The following DNAH10 variants were observed in gnomAD, a reference collection of about 807,000 sequenced individuals.
The protein encoded by DNAH10 is axonemal beta dynein heavy chain 10.
A neutral mutation model predicts 506.6 loss-of-function variants in DNAH10; 348 were observed. The ratio of observed to expected loss-of-function variants is 0.69; its 90% CI spans 0.63 to 0.75. The LOEUF (loss-of-function observed/expected upper bound fraction) is 0.75, where lower values mean the gene tolerates loss of function less well. Ranked by LOEUF, DNAH10 falls within the 30% of genes least tolerant of loss-of-function variation. DNAH10 has a pLI of 0.00. For missense variants in DNAH10, 5,179 were observed against 5,787.1 expected (o/e 0.89, Z 3.41); for synonymous variants, 2,059 against 2,198.6 (o/e 0.94, Z 1.78).
chr12:123,887,167 G>T lies in DNAH10; in HGVS notation c.8849G>T (p.Gly2950Val). The T allele has an allele frequency of 6.2e-7, 1 of 1,611,300 alleles. No homozygotes were observed. The highest frequency in any genetic ancestry group is 8.5e-7 in the Non-Finnish European group (1 of 1,178,724). ...CEVFEILLSR[G>V]YSENSFREDL... ...GTGTTTGAGATCCTGCTGAGCCGAG[G>T]CTACTCGGAGAACAGTTTCCGGGAA... The change falls in exon 52 of 79, where the codon GGC becomes GTC. Residue 2950 changes from glycine (G) to valine (V), a missense_variant. Transcript: ENST00000673944.
In DNAH10 at chr12:123,762,568, G is replaced by A. The variant is rs377606125; in HGVS notation, c.214+18G>A. 17 of 1,539,324 alleles carry A rather than the reference G, an allele frequency of 1.1e-5. No individual in the cohort carries two copies. The highest frequency in any genetic ancestry group is 1.4e-5 in the Non-Finnish European group (16 of 1,143,416). On this transcript the variant is annotated intron_variant, in intron 1 of 78. Coordinates refer to ENST00000673944, the MANE Select transcript of DNAH10 (RefSeq NM_001372106.1). This position sits in a 1 kb window ranked among gnomAD's most constrained non-coding sequence, Gnocchi z 5.0. ...GGAGATTGGTGAGCCTCGACGCGCC[G>A]CTCCCTTCCCCGGGCTTCCCTCCTG...
chr12:123,850,994 T>C lies in DNAH10; in HGVS notation c.6209T>C (p.Phe2070Ser). ...TELPESVKAL[F>S]RPVVVIVPDL... Reference sequence around the variant, plus strand: ...CTGCCCGAGTCGGTGAAGGCGCTGTTCAGGCCTGTGGTCGTGATCGTGCCC... The same window carrying C: ...CTGCCCGAGTCGGTGAAGGCGCTGTCCAGGCCTGTGGTCGTGATCGTGCCC... The change falls in exon 35 of 79, where the codon TTC (phenylalanine) becomes TCC (serine). Residue 2070 changes from phenylalanine (F) to serine (S), a missense_variant. Transcript: ENST00000673944. The surrounding 1 kb of genome is among the most constrained non-coding windows in gnomAD (Gnocchi z 5.5). 6.2e-7 allele frequency: 1 copy of C among 1,614,030 alleles called. No homozygotes were observed. Among genetic ancestry groups the C allele is most frequent in the Non-Finnish European group, 8.5e-7 (1 of 1,179,916 alleles).
rs562834548 is a variant in DNAH10 at position 123,785,049 on chromosome 12, C to G, written c.1231-697C>G. Among the ~76,000 whole-genome samples the G allele has an allele frequency of 3.3e-5, 5 of 152,302 alleles. No homozygotes were observed. Among genetic ancestry groups the G allele is most frequent in the African/African-American group, 9.6e-5 (4 of 41,556 alleles). ...TATGAAGAATGCTGCTACGAACATT[C>G]TTGTACAAGGATTTGTGTGGATGTG... On this transcript the variant is annotated intron_variant, in intron 8 of 78. Transcript: ENST00000673944. The surrounding 1 kb of genome is among the most constrained non-coding windows in gnomAD (Gnocchi z 4.1).
At chr12:123,799,144 T>C in intron 13 of DNAH10, 102 bp from the exon 14 acceptor site, 1 of 667,756 alleles carries the variant, frequency 1.5e-6, no homozygotes, top group Non-Finnish European at 2.0e-6. Context: ...TTTATAATAA[T>C]TTATATATTA....
intron 21 of DNAH10, among the ~76,000 whole-genome samples, chr12:123,814,906 C>T (rs954258308): frequency 5.9e-5 from 9 of 152,248 alleles, no homozygotes; most frequent in East Asian, 3.9e-4. Context: ...CATGAGCCAC[C>T]GCGCCCGGCC....
At chr12:123,829,362 A>G (rs1313695383) in intron 25 of DNAH10, among the ~76,000 whole-genome samples, 2 of 152,200 alleles carry the variant, frequency 1.3e-5, no homozygotes, top group Non-Finnish European at 2.9e-5. Context: ...GCACTTGCAC[A>G]GGCCCAGTTG....
intron 52 of DNAH10, among the ~76,000 whole-genome samples, chr12:123,892,937 T>G (rs1953051895): frequency 6.6e-6 from 1 of 152,198 alleles, no homozygotes; most frequent in Non-Finnish European, 1.5e-5. Context: ...AATCCCTGCT[T>G]CGGAGTTACA....
At chr12:123,802,408 C>T (rs555307762) in intron 16 of DNAH10, among the ~76,000 whole-genome samples, 3 of 152,146 alleles carry the variant, frequency 2.0e-5, no homozygotes, top group Admixed American at 6.6e-5. Context: ...TGGGTTCAAG[C>T]GATTCTCCTG....
chr12:123,787,773 C>T lies in DNAH10; in HGVS notation c.1422-31C>T, dbSNP rs923031229. The T allele has an allele frequency of 6.2e-6, 10 of 1,603,704 alleles. No individual in the cohort carries two copies. The highest frequency in any genetic ancestry group is 1.7e-4 in the Middle Eastern group (1 of 5,940). On this transcript the variant is annotated intron_variant, in intron 9 of 78. Transcript: ENST00000673944. This position sits in a 1 kb window ranked among gnomAD's most constrained non-coding sequence, Gnocchi z 4.6. ...CGGCTCGGACCCGGAGCTCCGCCCT[C>T]CTCCCATCACGGCATCTCTTGGCTT...
intron 15 of DNAH10, among the ~76,000 whole-genome samples, chr12:123,800,754 C>T (rs1482906536): frequency 1.3e-5 from 2 of 151,714 alleles, no homozygotes; most frequent in African/African-American, 2.4e-5. Flanking sequence ...TGTGGTGGCT[C>T]ACGCCTGTAA....
chr12:123,872,321 T>A (rs1282242679), intron 45 of DNAH10, among the ~76,000 whole-genome samples: 1 of 152,066 alleles, frequency 6.6e-6, no homozygotes, highest in African/African-American at 2.4e-5. Flanking sequence ...AGTGGGGGGA[T>A]AAACATGGAG....
Position 123,820,516 on chromosome 12 carries a change from T to A in DNAH10, c.4001-64T>A. On this transcript the variant is annotated intron_variant, in intron 23 of 78. Transcript: ENST00000673944. ...TAATTGAGATACATTATGCATGATT[T>A]CTTATTCAATTTTGTACACCTTAAA... 15 of 1,494,286 alleles carry A rather than the reference T, an allele frequency of 1.0e-5. 1 individual carries two copies. The South Asian group carries it at 1.8e-4, about 18-fold the overall frequency. The allele number at this position is 1,494,286 out of a possible 1,614,324, so 92.6% of individuals were successfully genotyped here.
At position 123,848,903 on chromosome 12, in the gene DNAH10, G is replaced by A. The variant is rs768938471; in HGVS notation, c.6102+21G>A. 2.2e-5 allele frequency: 36 copies of A among 1,611,512 alleles called. No homozygotes were observed. In the South Asian group the frequency reaches 3.5e-4, roughly 16 times the overall value. ...TCCAGGTGAGACACATGAAGCCCCCGGGACCATGTCCCTAGGATGGAAGTT... is the reference window on the plus strand; with the variant it reads ...TCCAGGTGAGACACATGAAGCCCCCAGGACCATGTCCCTAGGATGGAAGTT... On this transcript the variant is annotated intron_variant, in intron 34 of 78. Transcript: ENST00000673944.
Position 123,850,255 on chromosome 12 carries a change from G to A in DNAH10, c.6103-633G>A, listed in dbSNP as rs1339691683. 2.0e-5 allele frequency among the ~76,000 whole-genome samples: 3 copies of A among 152,050 alleles called. No homozygotes were observed. The highest frequency in any genetic ancestry group is 2.9e-5 in the Non-Finnish European group (2 of 68,006). ...AAAATAGAAAACTTCACCGAGAGAC[G>A]ACCGGACTCAACCTTCAGCTAAAAA... On this transcript the variant is annotated intron_variant, in intron 34 of 78. Transcript: ENST00000673944. This position sits in a 1 kb window ranked among gnomAD's most constrained non-coding sequence, Gnocchi z 5.5.
At chr12:123,873,018 C>T (rs1952097850) in intron 45 of DNAH10, among the ~76,000 whole-genome samples, 2 of 152,206 alleles carry the variant, frequency 1.3e-5, no homozygotes, top group Admixed American at 6.5e-5. Flanking sequence ...GGGGGCTTCC[C>T]TCACCCTTCC....
intron 40 of DNAH10, among the ~76,000 whole-genome samples, chr12:123,865,020 T>G (rs1951749206): frequency 6.6e-6 from 1 of 152,248 alleles, no homozygotes; most frequent in Admixed American, 6.5e-5. Context: ...ATACATTATC[T>G]GTTGACTGAC....
chr12:123,903,002 T>C lies in DNAH10; in HGVS notation c.9704T>C (p.Ile3235Thr), dbSNP rs1425276138. 1.3e-6 allele frequency: 2 copies of C among 1,599,940 alleles called. No homozygotes were observed. The highest frequency in any genetic ancestry group is 8.5e-7 in the Non-Finnish European group (1 of 1,173,430). ...AMEIEEQNKV[I>T]AMEKAEAETT... Reference sequence around the variant, plus strand: ...GAGATAGAGGAGCAGAACAAAGTCATTGCCATGGAGAAGGCCGAGGCCGAG... The same window carrying C: ...GAGATAGAGGAGCAGAACAAAGTCACTGCCATGGAGAAGGCCGAGGCCGAG... Residue 3235 changes from isoleucine (I) to threonine (T), a missense_variant, in exon 57 of 79, where the codon ATT becomes ACT. Around this residue, in one of 3 missense-constraint regions of DNAH10, gnomAD observed 4,844 missense variants for 5,430.5 expected, o/e 0.89. Transcript: ENST00000673944. The surrounding 1 kb of genome is among the most constrained non-coding windows in gnomAD (Gnocchi z 4.6).
At position 123,846,145 on chromosome 12, in the gene DNAH10, G is replaced by A. The variant is rs754326705; in HGVS notation, c.5805G>A (p.Thr1935=). The A allele has an allele frequency of 6.8e-6, 11 of 1,611,274 alleles. No individual in the cohort carries two copies. The highest frequency in any genetic ancestry group is 1.7e-5 in the Admixed American group (1 of 59,770). Residue 1935 remains threonine, a synonymous_variant, in exon 32 of 79, where the codon ACG becomes ACA. Coordinates refer to ENST00000673944, the MANE Select transcript of DNAH10 (RefSeq NM_001372106.1). This position sits in a 1 kb window ranked among gnomAD's most constrained non-coding sequence, Gnocchi z 4.5. ...ITPLTDRIYL[T]LTQALSMYLG... Reference sequence around the variant, plus strand: ...CCCTCACCGATCGGATTTACCTGACGCTCACCCAGGTGACTGCCAGCCTGG... The same window carrying A: ...CCCTCACCGATCGGATTTACCTGACACTCACCCAGGTGACTGCCAGCCTGG...
chr12:123,762,621 G>T lies in DNAH10; in HGVS notation c.214+71G>T. 1 of 1,454,238 alleles carries T rather than the reference G, an allele frequency of 6.9e-7. No individual in the cohort carries two copies. 90.1% of individuals were successfully genotyped at this position (1,454,238 alleles called of 1,614,324 possible). A position where few individuals can be genotyped will look rare whatever the true frequency, so the allele number is the denominator to read the frequency against. On this transcript the variant is annotated intron_variant, in intron 1 of 78. Coordinates refer to ENST00000673944, the MANE Select transcript of DNAH10 (RefSeq NM_001372106.1). The surrounding 1 kb of genome is among the most constrained non-coding windows in gnomAD (Gnocchi z 5.0). ...CGTCCCGGCCTCTCCGGCGGGCGCCGGGGCTGCTAGAGCCTGCCCATCGTC... is the reference window on the plus strand; with the variant it reads ...CGTCCCGGCCTCTCCGGCGGGCGCCTGGGCTGCTAGAGCCTGCCCATCGTC...
Sources: allele counts gnomAD v4.1 joint callset (sites outside exome capture counted in the v4.1 genomes callset), GRCh38; gene constraint gnomAD v4.1.1; regional missense constraint gnomAD v4.1.1; non-coding constraint Gnocchi (gnomAD v3.1); transcripts MANE v1.5; gene names NCBI Gene and HGNC (gene_info 2026-07-23, HGNC 2026-07-21).